Variants in KCNH5 observed in about 807,000 individuals in gnomAD.
KCNH5 encodes the protein voltage-gated delayed rectifier potassium channel KCNH5.
KCNH5 carries 46 observed loss-of-function variants against 96.1 expected under a neutral mutation model. The observed-to-expected ratio is 0.48, with a 90% CI of 0.38 to 0.61. The LOEUF (loss-of-function observed/expected upper bound fraction) is 0.61. Among genes scored for constraint, KCNH5 ranks in the 20% least tolerant of loss-of-function variants. The pLI, the probability that KCNH5 is intolerant of heterozygous loss-of-function variation, is 0.00. For missense variants in KCNH5, 907 were observed against 1,225.8 expected (o/e 0.74, Z 3.88); for synonymous variants, 439 against 449.8 (o/e 0.98, Z 0.30).
chr14:62,838,659 C>G (rs1595648125), intron 8 of KCNH5, among the ~76,000 whole-genome samples: 2 of 152,126 alleles, frequency 1.3e-5, no homozygotes, highest in Non-Finnish European at 1.5e-5. Context: ...CTACCAGATA[C>G]TGATATTCAA....
chr14:62,818,356 T>C (rs977895769), intron 8 of KCNH5, among the ~76,000 whole-genome samples: 1 of 152,158 alleles, frequency 6.6e-6, no homozygotes, highest in Non-Finnish European at 1.5e-5. Context: ...ATAATTTTTG[T>C]CAATTATACC....
Position 62,908,782 on chromosome 14 carries a change from A to ATTTTTTTTTTTTTT in KCNH5, c.1369+41337_1369+41350dup, listed in dbSNP as rs71120241. Among the ~76,000 whole-genome samples, 40 of 23,718 alleles carry ATTTTTTTTTTTTTT rather than the reference A, an allele frequency of 1.7e-3. 4 individuals carry two copies. Among genetic ancestry groups the ATTTTTTTTTTTTTT allele is most frequent in the African/African-American group, 2.5e-3 (14 of 5,540 alleles). The allele number at this position is 23,718 out of a possible 152,430, so 15.6% of individuals were successfully genotyped here. The stretch of plus-strand genomic sequence containing the variant: ...TTGCCCTTTGTTGATTTTGCTTTGT[A>ATTTTTTTTTTTTTT]TTTTTTTTTTTTTTTTTTTTTTTTT... On this transcript the variant is annotated intron_variant, in intron 7 of 10. Transcript: ENST00000322893.
At chr14:63,034,718 G>T (rs1264198560) in intron 1 of KCNH5, among the ~76,000 whole-genome samples, 1 of 152,180 alleles carries the variant, frequency 6.6e-6, no homozygotes, top group Admixed American at 6.5e-5. Context: ...TTAAGTGTCT[G>T]TGTTTCTTTG....
chr14:62,918,212 C>A (rs1889312303), intron 7 of KCNH5, among the ~76,000 whole-genome samples: 1 of 152,084 alleles, frequency 6.6e-6, no homozygotes, highest in African/African-American at 2.4e-5. Flanking sequence ...TCTTAGTAAA[C>A]TTTAAAGTAA....
intron 8 of KCNH5, among the ~76,000 whole-genome samples, chr14:62,822,600 A>G (rs1020261335): frequency 6.6e-6 from 1 of 151,754 alleles, no homozygotes; most frequent in Non-Finnish European, 1.5e-5. Context: ...CTTAACCTCA[A>G]CCTAACCCTC....
chr14:62,873,274 T>G (rs563142103), intron 7 of KCNH5, among the ~76,000 whole-genome samples: 1 of 152,292 alleles, frequency 6.6e-6, no homozygotes, highest in South Asian at 2.1e-4. Context: ...TTTAAGCTAT[T>G]AAAAAAGGAA....
intron 8 of KCNH5, among the ~76,000 whole-genome samples, chr14:62,827,673 G>C (rs1887254446): frequency 6.6e-6 from 1 of 152,072 alleles, no homozygotes; most frequent in African/African-American, 2.4e-5. Context: ...TAAGTGACCA[G>C]GTTTTTTGTC....
intron 10 of KCNH5, among the ~76,000 whole-genome samples, chr14:62,711,358 A>AG (rs1884563552): frequency 6.6e-6 from 1 of 152,150 alleles, no homozygotes; most frequent in Non-Finnish European, 1.5e-5. Context: ...CACCTATACT[A>AG]GGGGACAAAT....
chr14:62,728,225 C>CAA (rs5809166), intron 10 of KCNH5, among the ~76,000 whole-genome samples: 7,132 of 144,422 alleles, frequency 0.049, 356 homozygotes, highest in East Asian at 0.28. Flanking sequence ...TATTAAACTA[C>CAA]AAAAAAAAAA....
intron 4 of KCNH5, among the ~76,000 whole-genome samples, chr14:62,993,169 C>T (rs1890844186): frequency 1.3e-5 from 2 of 152,106 alleles, no homozygotes; most frequent in South Asian, 4.2e-4. Context: ...TTCTATTAAT[C>T]AATGTGTCTA....
rs778002977 is a variant in KCNH5 at position 62,858,789 on chromosome 14, ATGC to A, written c.1370-8940_1370-8938del. Among the ~76,000 whole-genome samples, 241 of 152,238 alleles carry A rather than the reference ATGC, an allele frequency of 1.6e-3. 2 individuals carry two copies. Among genetic ancestry groups the A allele is most frequent in the Non-Finnish European group, 1.7e-3 (116 of 68,012 alleles). On this transcript the variant is annotated intron_variant, in intron 7 of 10. Transcript: ENST00000322893. ...TGGGAGAAACAATACCATATATCGGATGCTGATTCAGAGCATACATGGCCTTCT... is the reference window on the plus strand; with the variant it reads ...TGGGAGAAACAATACCATATATCGGATGATTCAGAGCATACATGGCCTTCT...
chr14:62,729,645 A>T (rs73271121), intron 10 of KCNH5, among the ~76,000 whole-genome samples: 7,950 of 152,292 alleles, frequency 0.052, 641 homozygotes, highest in African/African-American at 0.17. Context: ...TCTCTATGGC[A>T]GAGATGACTA....
chr14:62,984,449 CTT>C (rs1184448783), intron 5 of KCNH5, among the ~76,000 whole-genome samples: 2 of 152,118 alleles, frequency 1.3e-5, no homozygotes, highest in East Asian at 3.9e-4. Context: ...ATTTATCTGT[CTT>C]TGAAAAAGTA....
intron 8 of KCNH5, among the ~76,000 whole-genome samples, chr14:62,825,314 A>G (rs1049922689): frequency 1.3e-5 from 2 of 152,046 alleles, no homozygotes; most frequent in African/African-American, 4.8e-5. Context: ...TGACTTTTTA[A>G]TTATAGCCAT....
intron 7 of KCNH5, among the ~76,000 whole-genome samples, chr14:62,925,363 T>C (rs1889455114): frequency 6.6e-6 from 1 of 152,034 alleles, no homozygotes; most frequent in Non-Finnish European, 1.5e-5. Context: ...CATATGGTCT[T>C]TCTTTTGTGT....
rs142927077 is a variant in KCNH5 at position 62,980,920 on chromosome 14, C to G, written c.894G>C (p.Leu298=). 7.4e-5 allele frequency: 120 copies of G among 1,613,988 alleles called. No homozygotes were observed. The highest frequency in any genetic ancestry group is 3.3e-4 in the Middle Eastern group (2 of 6,080). ...YLKTWFVIDL[L]SCLPYDIINA... is the part of the protein sequence containing the mutation. Reference sequence around the variant, plus strand: ...TGATGATGTCATAAGGTAAACAAGACAGCAGATCGATCACAAACCAAGTTT... The same window carrying G: ...TGATGATGTCATAAGGTAAACAAGAGAGCAGATCGATCACAAACCAAGTTT... The change falls in exon 6 of 11, where the codon CTG becomes CTC. Residue 298 remains leucine, a synonymous_variant. Transcript: ENST00000322893.
intron 9 of KCNH5, among the ~76,000 whole-genome samples, chr14:62,784,863 G>A (rs1415958067): frequency 6.6e-6 from 1 of 151,724 alleles, no homozygotes; most frequent in Non-Finnish European, 1.5e-5. Flanking sequence ...CGTATCATGG[G>A]GAAATAAAAA....
At position 62,707,044 on chromosome 14, in the gene KCNH5, A is replaced by T. The variant is rs1884447712; in HGVS notation, c.*464T>A. On this transcript the variant is annotated 3_prime_UTR_variant, in exon 11 of 11. Transcript: ENST00000322893. ...TAAGTTACAGAAAAATATCCTATGG[A>T]AAGAGATCATAACATGGTACTAATA... 6.6e-6 allele frequency: 1 copy of T among 152,242 alleles called. No homozygotes were observed. Among genetic ancestry groups the T allele is most frequent in the Non-Finnish European group, 1.5e-5 (1 of 68,044 alleles). 9.4% of individuals were successfully genotyped at this position (152,242 alleles called of 1,614,324 possible).
intron 10 of KCNH5, among the ~76,000 whole-genome samples, chr14:62,766,333 C>T (rs936928327): frequency 3.9e-5 from 6 of 152,052 alleles, no homozygotes; most frequent in Non-Finnish European, 8.8e-5. Context: ...TGGGTATATA[C>T]CCAAAAGGAA....
Sources: allele counts gnomAD v4.1 joint callset (sites outside exome capture counted in the v4.1 genomes callset), GRCh38; gene constraint gnomAD v4.1.1; transcripts MANE v1.5; gene names NCBI Gene and HGNC (gene_info 2026-07-23, HGNC 2026-07-21).